Variants in CEP44 observed in about 807,000 individuals in gnomAD.
The protein encoded by CEP44 is centrosomal protein of 44 kDa.
A neutral mutation model predicts 46.7 loss-of-function variants in CEP44; 45 were observed. The observed-to-expected ratio is 0.96, with a 90% CI of 0.76 to 1.24. CEP44 has a LOEUF of 1.24. Ranked by LOEUF, CEP44 falls within the 50% of genes most tolerant of loss-of-function variation. The pLI is 0.00. For synonymous variants in CEP44, 142 were observed against 146.0 expected, an observed-to-expected ratio of 0.97 and a Z score of 0.20; for missense variants, 475 against 459.7, an observed-to-expected ratio of 1.03 and a Z score of -0.30.
intron 1 of CEP44, 86 bp downstream of exon 1, chr4:174,284,029 A>G: frequency 2.5e-6 from 1 of 399,462 alleles, no homozygotes; most frequent in Non-Finnish European, 4.4e-6. Context: ...GGCTGTAGCG[A>G]CTGGTTGCGG....
At position 174,288,175 on chromosome 4, in the gene CEP44, T is replaced by A. The variant is rs1405775329; in HGVS notation, c.-148+4232T>A. On this transcript the variant is annotated intron_variant, in intron 1 of 11. Transcript: ENST00000503780. This position sits in a 1 kb window ranked among gnomAD's most constrained non-coding sequence, Gnocchi z 4.6. ...ATAGACATTTAATGTATACAGTTTC[T>A]GTTTGGAGATAAGTAGATATTGTGA... Among the ~76,000 whole-genome samples, 1 of 152,224 alleles carries A rather than the reference T, an allele frequency of 6.6e-6. No individual in the cohort carries two copies. The highest frequency in any genetic ancestry group is 1.9e-4 in the East Asian group (1 of 5,198).
rs1403643126 is a variant in CEP44 at position 174,305,005 on chromosome 4, G to A, written c.507+636G>A. Among the ~76,000 whole-genome samples, 4 of 152,164 alleles carry A rather than the reference G, an allele frequency of 2.6e-5. No individual in the cohort carries two copies. In the South Asian group the frequency reaches 8.3e-4, roughly 32 times the overall value. On this transcript the variant is annotated intron_variant, in intron 6 of 11. Coordinates refer to ENST00000503780, the MANE Select transcript of CEP44 (RefSeq NM_001040157.3). Reference sequence around the variant, plus strand: ...TATATTTTCAGCTGTCTTCCAGCTGGAGAAGACTCTGATTGAATGATAGAA... The same window carrying A: ...TATATTTTCAGCTGTCTTCCAGCTGAAGAAGACTCTGATTGAATGATAGAA...
At chr4:174,294,776 C>T (rs1738692335) in intron 1 of CEP44, among the ~76,000 whole-genome samples, 1 of 143,848 alleles carries the variant, frequency 7.0e-6, no homozygotes, top group Non-Finnish European at 1.6e-5. Context: ...CACCTCCCTC[C>T]CGGACGGTGC....
chr4:174,331,052 G>A lies in CEP44; in HGVS notation c.1087-430G>A, dbSNP rs187546394. ...GTGGTTAAGGCACTTGATATCTACT[G>A]ATGTCTTTACACCCATAAAAGGTAT... On this transcript the variant is annotated intron_variant, in intron 8 of 8. Transcript: ENST00000426172. This position sits in a 1 kb window ranked among gnomAD's most constrained non-coding sequence, Gnocchi z 4.5. Among the ~76,000 whole-genome samples, 4 of 152,196 alleles carry A rather than the reference G, an allele frequency of 2.6e-5. No homozygotes were observed. The highest frequency in any genetic ancestry group is 7.2e-5 in the African/African-American group (3 of 41,538).
intron 4 of CEP44, 21 bp downstream of exon 4, chr4:174,302,207 A>T: frequency 6.7e-7 from 1 of 1,498,570 alleles, no homozygotes; most frequent in Non-Finnish European, 9.2e-7. Flanking sequence ...TTTATCAAAC[A>T]ATAACTATTA....
rs371486443 is a variant in CEP44, at chr4:174,314,609, G to A, written c.962-1557G>A. 6.6e-6 allele frequency among the ~76,000 whole-genome samples: 1 copy of A among 152,086 alleles called. No homozygotes were observed. The highest frequency in any genetic ancestry group is 2.4e-5 in the African/African-American group (1 of 41,394). On this transcript the variant is annotated intron_variant, in intron 9 of 11. Coordinates refer to ENST00000503780, the MANE Select transcript of CEP44 (RefSeq NM_001040157.3). The surrounding 1 kb of genome is among the most constrained non-coding windows in gnomAD (Gnocchi z 4.1). ...AGAGCCATTCCTTCACCCTTTATCT[G>A]TCTTCCCGGACCTGTTTCCTTTTCC...
In CEP44 at chr4:174,314,758, C is replaced by T. The variant is rs1280719727; in HGVS notation, c.962-1408C>T. Among the ~76,000 whole-genome samples, 3 of 152,186 alleles carry T rather than the reference C, an allele frequency of 2.0e-5. No homozygotes were observed. Among genetic ancestry groups the T allele is most frequent in the Non-Finnish European group, 4.4e-5 (3 of 68,026 alleles). On this transcript the variant is annotated intron_variant, in intron 9 of 11. Transcript: ENST00000503780. The surrounding 1 kb of genome is among the most constrained non-coding windows in gnomAD (Gnocchi z 4.1). ...GTTCCTGCCTAATTTCAAATTATTT[C>T]TTAAAATAACCTCTTGTCCATAGCT... is the stretch of plus-strand genomic sequence containing the variant.
At chr4:174,315,827 C>T (rs974213918) in intron 9 of CEP44, among the ~76,000 whole-genome samples, 2 of 123,678 alleles carry the variant, frequency 1.6e-5, no homozygotes, top group African/African-American at 3.2e-5. Flanking sequence ...GGCGACAGAG[C>T]GAGACTCCGT....
chr4:174,324,590 A>G (rs544541780), downstream of CEP44, among the ~76,000 whole-genome samples: 1 of 152,212 alleles, frequency 6.6e-6, no homozygotes, highest in African/African-American at 2.4e-5. Flanking sequence ...TGTGGTGTAA[A>G]CCAAAAGTTA....
At position 174,319,307 on chromosome 4, in the gene CEP44, AAACTTCTGTATCGATT is replaced by A; in HGVS notation, c.*1929_*1944del. The A allele has an allele frequency of 1.4e-5, 14 of 980,334 alleles. No individual in the cohort carries two copies. The highest frequency in any genetic ancestry group is 1.7e-5 in the Non-Finnish European group (14 of 825,366). 60.7% of individuals were successfully genotyped at this position (980,334 alleles called of 1,614,324 possible). A position where few individuals can be genotyped will look rare whatever the true frequency, so the allele number is the denominator to read the frequency against. ...TAAGAGGTTATAGTTATAAGGGAAAAAACTTCTGTATCGATTAACTCCTAAAATATCAGTACCAGCA... is the reference window on the plus strand; with the variant it reads ...TAAGAGGTTATAGTTATAAGGGAAAAAACTCCTAAAATATCAGTACCAGCA... On this transcript the variant is annotated 3_prime_UTR_variant, in exon 12 of 12. Coordinates refer to ENST00000503780, the MANE Select transcript of CEP44 (RefSeq NM_001040157.3).
In CEP44 at chr4:174,311,944, G is replaced by C. The variant is rs1741126813; in HGVS notation, c.961+1086G>C. ...AATTTATTATAGGCTGCAGATTTCA[G>C]ATTTGGTAAAATGTTGCCTGTTTTA... On this transcript the variant is annotated intron_variant, in intron 9 of 11. Transcript: ENST00000503780. This position sits in a 1 kb window ranked among gnomAD's most constrained non-coding sequence, Gnocchi z 4.4. Among the ~76,000 whole-genome samples the C allele has an allele frequency of 6.6e-6, 1 of 152,160 alleles. No homozygotes were observed. Among genetic ancestry groups the C allele is most frequent in the African/African-American group, 2.4e-5 (1 of 41,434 alleles).
At chr4:174,291,496 G>A (rs1434710368) in intron 1 of CEP44, among the ~76,000 whole-genome samples, 1 of 151,956 alleles carries the variant, frequency 6.6e-6, no homozygotes, top group Non-Finnish European at 1.5e-5. Context: ...TGTGGTTGTT[G>A]TAGTTACTCA....
chr4:174,328,324 A>G (rs937986872), intron 8 of CEP44, among the ~76,000 whole-genome samples: 1 of 152,234 alleles, frequency 6.6e-6, no homozygotes, highest in East Asian at 1.9e-4. Context: ...TGAGTAGATG[A>G]TGGTTACCTA....
chr4:174,291,708 T>C (rs984732940), intron 1 of CEP44, among the ~76,000 whole-genome samples: 1 of 151,792 alleles, frequency 6.6e-6, no homozygotes, highest in Non-Finnish European at 1.5e-5. Flanking sequence ...TTAGGGCATG[T>C]CTAAAAGTGA....
chr4:174,304,559 A>G (rs993066157), intron 6 of CEP44, among the ~76,000 whole-genome samples, 190 bp downstream of exon 6: 5 of 152,230 alleles, frequency 3.3e-5, no homozygotes, highest in Non-Finnish European at 7.3e-5. Context: ...ATAGAAATAT[A>G]AAATTAAATA....
chr4:174,332,404 C>G (rs1253404003), exon 9 of CEP44: 1 of 152,200 alleles, frequency 6.6e-6, no homozygotes, highest in Non-Finnish European at 1.5e-5. Context: ...GCATTCTATA[C>G]TTATTCTATT....
At position 174,310,094 on chromosome 4, in the gene CEP44, T is replaced by G. The variant is rs1740898318; in HGVS notation, c.885+38T>G. On this transcript the variant is annotated intron_variant, in intron 8 of 11. Coordinates refer to ENST00000503780, the MANE Select transcript of CEP44 (RefSeq NM_001040157.3). This position sits in a 1 kb window ranked among gnomAD's most constrained non-coding sequence, Gnocchi z 4.2. ...TTTAACATTTATAAAATATCTCAGA[T>G]ATAACAAAGTTTTTTTTTGATTGTT... is the stretch of plus-strand genomic sequence containing the variant. 6.4e-7 allele frequency: 1 copy of G among 1,559,024 alleles called. No individual in the cohort carries two copies. Among genetic ancestry groups the G allele is most frequent in the Non-Finnish European group, 8.7e-7 (1 of 1,154,542 alleles).
In CEP44 at chr4:174,331,727, A is replaced by G; in HGVS notation, c.*132A>G. On this transcript the variant is annotated 3_prime_UTR_variant, in exon 9 of 9. Transcript: ENST00000426172. This position sits in a 1 kb window ranked among gnomAD's most constrained non-coding sequence, Gnocchi z 4.5. ...CAGCTCCAGCTCTTTTAATGGGCAT[A>G]TCAAAACTGATGACTTTTTCCTTCC... The G allele has an allele frequency of 8.5e-7, 1 of 1,170,294 alleles. No homozygotes were observed. Among genetic ancestry groups the G allele is most frequent in the Non-Finnish European group, 1.1e-6 (1 of 873,120 alleles). The allele number at this position is 1,170,294 out of a possible 1,614,324, so 72.5% of individuals were successfully genotyped here.
chr4:174,296,219 A>G (rs1738992678), intron 1 of CEP44, among the ~76,000 whole-genome samples: 1 of 152,214 alleles, frequency 6.6e-6, no homozygotes, highest in African/African-American at 2.4e-5. Flanking sequence ...ATGTTTATCA[A>G]AACTTCTCTT....
Sources: gnomAD v4.1 joint callset for allele counts (sites outside exome capture counted in the v4.1 genomes callset) on GRCh38, gnomAD v4.1.1 for gene constraint, Gnocchi (gnomAD v3.1) non-coding constraint, MANE v1.5 for transcripts, NCBI Gene and HGNC (gene_info 2026-07-23, HGNC 2026-07-21) for gene names.